PDE1A: variants seen among roughly 807,000 people sequenced by gnomAD.
PDE1A encodes phosphodiesterase 1A.
PDE1A carries 35 observed loss-of-function variants against 61.7 expected under a neutral mutation model. The ratio of observed to expected loss-of-function variants is 0.57; its 90% CI spans 0.43 to 0.75. The LOEUF (loss-of-function observed/expected upper bound fraction) is 0.75, where lower values mean the gene tolerates loss of function less well. Among genes scored for constraint, PDE1A ranks in the 30% least tolerant of loss-of-function variants. The pLI is 0.00. For missense variants in PDE1A, 597 were observed against 630.6 expected (o/e 0.95, Z 0.57); for synonymous variants, 232 against 213.2 (o/e 1.09, Z -0.77).
Position 182,414,453 on chromosome 2 carries a change from T to G in PDE1A, c.53+12125A>C, listed in dbSNP as rs186666406. Among the ~76,000 whole-genome samples the G allele has an allele frequency of 1.2e-3, 182 of 152,226 alleles. 2 individuals are homozygous for G. In the East Asian group the frequency reaches 0.018, roughly 15 times the overall value. On this transcript the variant is annotated intron_variant, in intron 1 of 13. Coordinates refer to ENST00000351439, the Ensembl canonical transcript of PDE1A. ...CTGCTCAGATATAAACTCACAGATCTAAGGTGACCTTCAATGTCCTAATGT... is the reference window on the plus strand; with the variant it reads ...CTGCTCAGATATAAACTCACAGATCGAAGGTGACCTTCAATGTCCTAATGT...
intron 13 of PDE1A, among the ~76,000 whole-genome samples, chr2:182,162,641 A>G (rs1691443853): frequency 6.6e-6 from 1 of 152,078 alleles, no homozygotes; most frequent in African/African-American, 2.4e-5. Context: ...CCCCAAAGGG[A>G]CCTCTGGCCT....
chr2:182,263,248 C>T (rs899444263), intron 2 of PDE1A, among the ~76,000 whole-genome samples: 4 of 152,106 alleles, frequency 2.6e-5, no homozygotes, highest in African/African-American at 9.7e-5. Flanking sequence ...GGTGGTTTTG[C>T]TGTCATCTAT....
chr2:182,276,196 C>T (rs1293943101), intron 1 of PDE1A, among the ~76,000 whole-genome samples: 3 of 151,858 alleles, frequency 2.0e-5, no homozygotes, highest in African/African-American at 4.8e-5. Flanking sequence ...AGACATGGCT[C>T]TCATGAGTTC....
the PDE1A span, among the ~76,000 whole-genome samples, chr2:182,638,328 C>T: frequency 3.9e-5 from 6 of 152,100 alleles, no homozygotes; most frequent in Admixed American, 6.5e-5. Context: ...CACCTGAGGT[C>T]AGAAGTTCGA....
At chr2:182,299,652 T>C (rs1381924280) in intron 1 of PDE1A, among the ~76,000 whole-genome samples, 1 of 151,920 alleles carries the variant, frequency 6.6e-6, no homozygotes, top group Non-Finnish European at 1.5e-5. Flanking sequence ...CTGTGCTAGA[T>C]GTGTTATCTG....
chr2:182,669,695 G>A, the PDE1A span, among the ~76,000 whole-genome samples: 1 of 152,130 alleles, frequency 6.6e-6, no homozygotes, highest in Non-Finnish European at 1.5e-5. Flanking sequence ...CACAGCTCTT[G>A]ACTGCCTTAT....
intron 2 of PDE1A, among the ~76,000 whole-genome samples, chr2:182,476,190 ATTATATT>A (rs1309774770): frequency 6.6e-6 from 1 of 151,906 alleles, no homozygotes; most frequent in African/African-American, 2.4e-5. Context: ...ATTAGAATTA[ATTATATT>A]TTTAAAATTA....
intron 1 of PDE1A, among the ~76,000 whole-genome samples, chr2:182,388,739 A>C (rs1398280724): frequency 6.6e-6 from 1 of 152,068 alleles, no homozygotes; most frequent in Non-Finnish European, 1.5e-5. Context: ...CTAGCACTGC[A>C]CCTCAAGAAA....
intron 1 of PDE1A, among the ~76,000 whole-genome samples, chr2:182,332,653 G>T (rs993751457): frequency 2.0e-5 from 3 of 152,224 alleles, no homozygotes; most frequent in South Asian, 4.1e-4. Flanking sequence ...GACCCTGTTT[G>T]CCTGAGTATC....
At chr2:182,150,285 C>G (rs562934260) in intron 13 of PDE1A, among the ~76,000 whole-genome samples, 4 of 152,258 alleles carry the variant, frequency 2.6e-5, no homozygotes, top group African/African-American at 9.6e-5. Context: ...AAAACTTGAT[C>G]TAGTCTAACT....
chr2:182,703,414 T>A, the PDE1A span, among the ~76,000 whole-genome samples: 1 of 152,210 alleles, frequency 6.6e-6, no homozygotes, highest in African/African-American at 2.4e-5. Context: ...ATTCCAATTC[T>A]GATCAGGTTG....
chr2:182,566,383 A>G, the PDE1A span, among the ~76,000 whole-genome samples: 1 of 152,210 alleles, frequency 6.6e-6, no homozygotes, highest in African/African-American at 2.4e-5. Flanking sequence ...ATATTTCGAA[A>G]TAATTAACAA....
downstream of PDE1A, among the ~76,000 whole-genome samples, chr2:182,144,860 T>C (rs894970309): frequency 2.0e-5 from 3 of 152,212 alleles, no homozygotes; most frequent in Admixed American, 6.5e-5. Context: ...TCTTAACCAC[T>C]AGAAACAGCT....
chr2:182,465,444 A>T (rs1289041867), intron 2 of PDE1A, among the ~76,000 whole-genome samples: 1 of 152,088 alleles, frequency 6.6e-6, no homozygotes, highest in Non-Finnish European at 1.5e-5. Flanking sequence ...CATTCAATCA[A>T]TTATATTGAT....
At chr2:182,316,510 CA>C (rs1368661151) in intron 1 of PDE1A, among the ~76,000 whole-genome samples, 1 of 152,120 alleles carries the variant, frequency 6.6e-6, no homozygotes. Context: ...AAGTACTTCA[CA>C]TTCTACTAAG....
At chr2:182,522,815 C>T (rs1344800108), upstream of PDE1A, 1 of 227,528 alleles carries the variant, frequency 4.4e-6, no homozygotes, top group Non-Finnish European at 7.3e-6. Flanking sequence ...GAATTCCTCT[C>T]TACCAACAGA....
rs1339494356 is a variant in PDE1A, at chr2:182,210,673, AT to A, written c.777-4609del. 2.6e-5 allele frequency among the ~76,000 whole-genome samples: 4 copies of A among 152,078 alleles called. No individual in the cohort carries two copies. The East Asian group carries it at 7.7e-4, about 29-fold the overall frequency. ...AATTTTAATGAAATCCAACTTATCA[AT>A]TTATTATTTCATATATTGTGCCTTT... On this transcript the variant is annotated intron_variant, in intron 7 of 13. Transcript: ENST00000351439.
At chr2:182,277,280 G>A (rs1286603467) in intron 1 of PDE1A, among the ~76,000 whole-genome samples, 2 of 151,992 alleles carry the variant, frequency 1.3e-5, no homozygotes, top group East Asian at 3.9e-4. Flanking sequence ...GTCACCCCTG[G>A]AGTCCCAGCT....
chr2:182,648,115 A>G, the PDE1A span, among the ~76,000 whole-genome samples: 1 of 152,188 alleles, frequency 6.6e-6, no homozygotes. Flanking sequence ...ACCATAGTAT[A>G]TTGGAGAAGA....
Sources: gnomAD v4.1 joint callset for allele counts (sites outside exome capture counted in the v4.1 genomes callset) on GRCh38, gnomAD v4.1.1 for gene constraint, MANE v1.5 for transcripts, NCBI Gene and HGNC (gene_info 2026-07-23, HGNC 2026-07-21) for gene names.